The following LSAMP variants were observed in gnomAD, a reference collection of about 807,000 sequenced individuals.
The protein encoded by LSAMP is limbic system associated membrane protein, also known as limbic system-associated membrane protein.
Under a neutral mutation model 38.6 loss-of-function variants are expected in LSAMP, and 7 were observed. The ratio of observed to expected loss-of-function variants is 0.18; its 90% CI spans 0.10 to 0.34. The LOEUF (loss-of-function observed/expected upper bound fraction) is 0.34. LSAMP is among the 10% of genes least tolerant of loss of function. The probability of loss-of-function intolerance (pLI) is 1.00; values close to 1 mark genes in which losing one functional copy is unlikely to be tolerated. For missense variants in LSAMP, 313 were observed against 420.0 expected (o/e 0.75, Z 2.23); for synonymous variants, 154 against 166.8 (o/e 0.92, Z 0.59).
intron 1 of LSAMP, among the ~76,000 whole-genome samples, chr3:116,431,689 A>G (rs1180846266): frequency 6.6e-6 from 1 of 152,040 alleles, no homozygotes; most frequent in Admixed American, 6.6e-5. Context: ...CCTGGATTTT[A>G]AAAATTGCAA....
chr3:116,271,387 C>T (rs1056860062), intron 1 of LSAMP, among the ~76,000 whole-genome samples: 1 of 151,892 alleles, frequency 6.6e-6, no homozygotes, highest in Non-Finnish European at 1.5e-5. Context: ...TATGCTTTGT[C>T]CACAAAGTAG....
intron 1 of LSAMP, among the ~76,000 whole-genome samples, chr3:116,396,059 A>G (rs1239359911): frequency 2.3e-4 from 35 of 152,180 alleles, no homozygotes. Flanking sequence ...TTGTTTATTA[A>G]TTAGGCTCCC....
At chr3:115,980,295 T>C (rs566563464) in intron 3 of LSAMP, among the ~76,000 whole-genome samples, 1 of 152,260 alleles carries the variant, frequency 6.6e-6, no homozygotes, top group South Asian at 2.1e-4. Context: ...GATTGTAAGT[T>C]TTTTTGTTAA....
chr3:115,909,741 A>G (rs1937094380), intron 3 of LSAMP, among the ~76,000 whole-genome samples: 1 of 152,196 alleles, frequency 6.6e-6, no homozygotes, highest in Non-Finnish European at 1.5e-5. Context: ...GTTGCAAATT[A>G]AAGAGATAAT....
At chr3:116,060,152 A>G (rs1456097589) in intron 2 of LSAMP, among the ~76,000 whole-genome samples, 1 of 141,492 alleles carries the variant, frequency 7.1e-6, no homozygotes, top group Non-Finnish European at 1.5e-5. Context: ...CCCTTCCTTC[A>G]TTTCTCCTCT....
intron 3 of LSAMP, among the ~76,000 whole-genome samples, chr3:115,929,726 A>G (rs1352793768): frequency 6.6e-6 from 1 of 152,172 alleles, no homozygotes; most frequent in Non-Finnish European, 1.5e-5. Flanking sequence ...AATGTAATGA[A>G]GGCATAAAAG....
chr3:116,006,611 T>C (rs1464307119), intron 3 of LSAMP, among the ~76,000 whole-genome samples: 1 of 152,146 alleles, frequency 6.6e-6, no homozygotes, highest in Admixed American at 6.5e-5. Flanking sequence ...CAGGAATCCA[T>C]CCATCCATCT....
intron 1 of LSAMP, 146 bp from the exon 2 acceptor site, chr3:116,086,702 A>G (rs974513326): frequency 7.6e-6 from 5 of 657,812 alleles, no homozygotes; most frequent in Non-Finnish European, 1.1e-5. Flanking sequence ...GAGTCCTTAG[A>G]ATTTTCACTA....
At chr3:115,999,486 G>C (rs878901646) in intron 3 of LSAMP, among the ~76,000 whole-genome samples, 1 of 152,086 alleles carries the variant, frequency 6.6e-6, no homozygotes, top group East Asian at 1.9e-4. Context: ...TGTGGACCCC[G>C]TCATGTCCTA....
chr3:116,339,681 CAA>C (rs748247868), intron 1 of LSAMP, among the ~76,000 whole-genome samples: 1 of 151,950 alleles, frequency 6.6e-6, no homozygotes, highest in Non-Finnish European at 1.5e-5. Context: ...CTGATTTTCT[CAA>C]AATACTTTTC....
At chr3:115,840,996 C>T (rs750184538) in intron 6 of LSAMP, among the ~76,000 whole-genome samples, 6 of 152,124 alleles carry the variant, frequency 3.9e-5, no homozygotes, top group Non-Finnish European at 8.8e-5. Context: ...TATCATTTTC[C>T]TGTGACTCCA....
At chr3:115,838,802 T>C (rs1934882488) in intron 6 of LSAMP, among the ~76,000 whole-genome samples, 1 of 152,202 alleles carries the variant, frequency 6.6e-6, no homozygotes. Context: ...GGGAAGTGTA[T>C]GTATGCATGT....
At chr3:116,335,070 A>C (rs564438446) in intron 1 of LSAMP, among the ~76,000 whole-genome samples, 1 of 152,178 alleles carries the variant, frequency 6.6e-6, no homozygotes, top group East Asian at 1.9e-4. Context: ...TAGCATTTCT[A>C]TGTAATAATA....
At chr3:115,820,558 T>G (rs376066773) in intron 6 of LSAMP, among the ~76,000 whole-genome samples, 2 of 152,188 alleles carry the variant, frequency 1.3e-5, no homozygotes, top group East Asian at 3.9e-4. Flanking sequence ...CTGTCCTTGA[T>G]TTTTGACTTT....
chr3:116,017,822 A>G (rs1940527086), intron 3 of LSAMP, among the ~76,000 whole-genome samples: 2 of 152,194 alleles, frequency 1.3e-5, no homozygotes, highest in East Asian at 1.9e-4. Flanking sequence ...TCTCAATTAT[A>G]ACATTACAGT....
chr3:116,153,495 G>A (rs968196599), intron 1 of LSAMP, among the ~76,000 whole-genome samples: 1 of 152,148 alleles, frequency 6.6e-6, no homozygotes, highest in Admixed American at 6.6e-5. Flanking sequence ...CTAGGCAAAA[G>A]AACTCAACAA....
At chr3:116,410,877 C>CT (rs1338331457) in intron 1 of LSAMP, among the ~76,000 whole-genome samples, 2 of 152,048 alleles carry the variant, frequency 1.3e-5, no homozygotes, top group Non-Finnish European at 2.9e-5. Context: ...ATAGGGTCTT[C>CT]TTTTTTGCGA....
intron 2 of LSAMP, among the ~76,000 whole-genome samples, chr3:116,064,822 TC>T (rs1326714814): frequency 6.6e-6 from 1 of 152,132 alleles, no homozygotes. Flanking sequence ...TTGCATGGTA[TC>T]ACACAACTAG....
chr3:116,084,071 T>C (rs569926520), intron 2 of LSAMP, among the ~76,000 whole-genome samples: 1 of 152,270 alleles, frequency 6.6e-6, no homozygotes, highest in South Asian at 2.1e-4. Flanking sequence ...TTTGAAACCC[T>C]GTCCTAAGCC....
Sources: allele counts gnomAD v4.1 joint callset (sites outside exome capture counted in the v4.1 genomes callset), GRCh38; gene constraint gnomAD v4.1.1; transcripts MANE v1.5; gene names NCBI Gene and HGNC (gene_info 2026-07-23, HGNC 2026-07-21).